The following PPP1CB variants were observed in gnomAD, a reference collection of about 807,000 sequenced individuals.
PPP1CB encodes the protein protein phosphatase 1 catalytic subunit beta, also known as serine/threonine-protein phosphatase PP1-beta catalytic subunit.
A neutral mutation model predicts 43.7 loss-of-function variants in PPP1CB; 2 were observed. The ratio of observed to expected loss-of-function variants is 0.05; its 90% CI spans 0.02 to 0.14. The LOEUF is 0.14. Ranked by LOEUF, PPP1CB falls within the 10% of genes least tolerant of loss-of-function variation. The pLI is 1.00. For missense variants in PPP1CB, 84 were observed against 398.0 expected (o/e 0.21, Z 6.71); for synonymous variants, 136 against 135.6 (o/e 1.00, Z -0.02).
rs901930510 is a variant in PPP1CB at position 28,777,073 on chromosome 2, T to G, written c.184+91T>G. 9.8e-6 allele frequency: 14 copies of G among 1,430,840 alleles called. No individual in the cohort carries two copies. The Admixed American group carries it at 2.6e-4, about 27-fold the overall frequency. 88.6% of individuals were successfully genotyped at this position (1,430,840 alleles called of 1,614,324 possible). A position where few individuals can be genotyped will look rare whatever the true frequency, so the allele number is the denominator to read the frequency against. ...CTAGAGAAAACATTTTTTGAAATTT[T>G]TGTATAAAACAGATCAGTAGGCTTT... is the stretch of plus-strand genomic sequence containing the variant. On this transcript the variant is annotated intron_variant, in intron 2 of 7. Coordinates refer to ENST00000395366, the MANE Select transcript of PPP1CB (RefSeq NM_002709.3).
At chr2:28,775,729 G>A (rs2148048027) in intron 1 of PPP1CB, among the ~76,000 whole-genome samples, 1 of 152,242 alleles carries the variant, frequency 6.6e-6, no homozygotes, top group East Asian at 1.9e-4. Flanking sequence ...GAGCTCAGCT[G>A]TAAATTTAAG....
intron 1 of PPP1CB, among the ~76,000 whole-genome samples, chr2:28,752,764 G>GT (rs1453533507): frequency 6.6e-6 from 1 of 152,180 alleles, no homozygotes. Flanking sequence ...TTAATCTACC[G>GT]TTTGTTACTT....
At chr2:28,769,941 C>G (rs890415548) in intron 1 of PPP1CB, among the ~76,000 whole-genome samples, 7 of 152,132 alleles carry the variant, frequency 4.6e-5, no homozygotes, top group African/African-American at 1.7e-4. Flanking sequence ...TAGACTTAAA[C>G]TCAACTTCGT....
At chr2:28,793,365 G>A (rs1339345402) in intron 6 of PPP1CB, among the ~76,000 whole-genome samples, 1 of 151,202 alleles carries the variant, frequency 6.6e-6, no homozygotes, top group East Asian at 1.9e-4. Context: ...TAAAATCAAA[G>A]CAAGAAGTAA....
chr2:28,781,184 G>T (rs1667152183), intron 3 of PPP1CB, among the ~76,000 whole-genome samples: 1 of 151,984 alleles, frequency 6.6e-6, no homozygotes, highest in South Asian at 2.1e-4. Flanking sequence ...CACAATCTTT[G>T]GGATTTTTTA....
chr2:28,791,735 C>G (rs1245018201), intron 6 of PPP1CB, among the ~76,000 whole-genome samples: 1 of 152,096 alleles, frequency 6.6e-6, no homozygotes, highest in African/African-American at 2.4e-5. Context: ...AAAATGACCC[C>G]TGATAATCAG....
chr2:28,768,872 G>T (rs1666837817), intron 1 of PPP1CB, among the ~76,000 whole-genome samples: 1 of 152,112 alleles, frequency 6.6e-6, no homozygotes, highest in Non-Finnish European at 1.5e-5. Context: ...AGAGACTTAT[G>T]TATTGCTGAT....
At chr2:28,764,920 A>AT (rs1666747409) in intron 1 of PPP1CB, among the ~76,000 whole-genome samples, 1 of 150,940 alleles carries the variant, frequency 6.6e-6, no homozygotes, top group Non-Finnish European at 1.5e-5. Context: ...CCCTGTCTCA[A>AT]AAAAAAAAAA....
intron 1 of PPP1CB, among the ~76,000 whole-genome samples, chr2:28,767,038 A>T (rs1489322942): frequency 6.6e-6 from 1 of 151,832 alleles, no homozygotes; most frequent in Non-Finnish European, 1.5e-5. Flanking sequence ...CCGAGATCAC[A>T]CCACTGCAGT....
chr2:28,799,762 G>T lies in PPP1CB; in HGVS notation c.*459G>T, dbSNP rs1667570519. The T allele has an allele frequency of 6.5e-6, 1 of 152,858 alleles. No homozygotes were observed. Among genetic ancestry groups the T allele is most frequent in the African/African-American group, 2.4e-5 (1 of 41,430 alleles). 9.5% of individuals were successfully genotyped at this position (152,858 alleles called of 1,614,324 possible). On this transcript the variant is annotated 3_prime_UTR_variant, in exon 8 of 8. Transcript: ENST00000395366. ...TTTTTTTCCCTAAACATTTTTAAAA[G>T]TGAAATATGGGAAGAGCTTTACAGA...
intron 7 of PPP1CB, among the ~76,000 whole-genome samples, chr2:28,798,782 T>C (rs961732771): frequency 6.6e-6 from 1 of 152,164 alleles, no homozygotes. Flanking sequence ...AAAGCTGTTT[T>C]TTAAGTAAAA....
Position 28,799,850 on chromosome 2 carries a change from A to G in PPP1CB, c.*547A>G, listed in dbSNP as rs1667572172. The G allele has an allele frequency of 6.6e-6, 1 of 152,530 alleles. No homozygotes were observed. The highest frequency in any genetic ancestry group is 6.5e-5 in the Admixed American group (1 of 15,274). The allele number at this position is 152,530 out of a possible 1,614,324, so 9.4% of individuals were successfully genotyped here. ...AGATATCTGTTTAATCTTACTAAGAAAACTTTCGCCTCATTACATTAAAAA... is the reference window on the plus strand; with the variant it reads ...AGATATCTGTTTAATCTTACTAAGAGAACTTTCGCCTCATTACATTAAAAA... On this transcript the variant is annotated 3_prime_UTR_variant, in exon 8 of 8. Transcript: ENST00000395366.
intron 5 of PPP1CB, among the ~76,000 whole-genome samples, chr2:28,786,122 A>G (rs191465440): frequency 2.0e-5 from 3 of 152,168 alleles, no homozygotes; most frequent in African/African-American, 7.2e-5. Context: ...TGACTCTGAA[A>G]TTCTTTTTGA....
At chr2:28,753,733 TTTTTTA>T (rs1666406311) in intron 1 of PPP1CB, among the ~76,000 whole-genome samples, 1 of 152,208 alleles carries the variant, frequency 6.6e-6, no homozygotes, top group African/African-American at 2.4e-5. Context: ...TTTTTATTTT[TTTTTTA>T]TTTTTATTTT....
intron 6 of PPP1CB, among the ~76,000 whole-genome samples, chr2:28,790,001 C>T (rs1427991766): frequency 1.3e-5 from 2 of 152,090 alleles, no homozygotes; most frequent in Non-Finnish European, 2.9e-5. Flanking sequence ...TTGATTGTGG[C>T]TCAGTGCAGT....
At chr2:28,774,536 C>T (rs1445442693) in intron 1 of PPP1CB, among the ~76,000 whole-genome samples, 1 of 152,104 alleles carries the variant, frequency 6.6e-6, no homozygotes, top group Non-Finnish European at 1.5e-5. Context: ...AGGAGTTCTC[C>T]TGCCTCAGCC....
chr2:28,789,053 A>G (rs1251658809), intron 6 of PPP1CB, among the ~76,000 whole-genome samples: 10 of 152,092 alleles, frequency 6.6e-5, no homozygotes, highest in Admixed American at 6.6e-4. Context: ...TTAACTTCAC[A>G]TAAGCCCTCT....
intron 1 of PPP1CB, among the ~76,000 whole-genome samples, chr2:28,775,364 C>T (rs191806200): frequency 4.0e-4 from 61 of 152,280 alleles, no homozygotes; most frequent in Middle Eastern, 3.4e-3. Flanking sequence ...CCACCTTGGC[C>T]TCCCAATGTG....
At chr2:28,782,201 T>G (rs1015404401) in intron 4 of PPP1CB, among the ~76,000 whole-genome samples, 4 of 152,164 alleles carry the variant, frequency 2.6e-5, no homozygotes, top group Non-Finnish European at 5.9e-5. Flanking sequence ...AAATTGAGTT[T>G]CATATTCACA....
Sources: allele counts gnomAD v4.1 joint callset (sites outside exome capture counted in the v4.1 genomes callset), GRCh38; gene constraint gnomAD v4.1.1; transcripts MANE v1.5; gene names NCBI Gene and HGNC (gene_info 2026-07-23, HGNC 2026-07-21).